Variants in DZIP1 observed in about 807,000 individuals in gnomAD.
The protein encoded by DZIP1 is cilium assembly protein DZIP1.
DZIP1 carries 97 observed loss-of-function variants against 107.6 expected under a neutral mutation model. The observed-to-expected ratio is 0.90, with a 90% CI of 0.77 to 1.07. DZIP1 has a LOEUF of 1.07. Among genes scored for constraint, DZIP1 ranks in the 50% least tolerant of loss-of-function variants. DZIP1 has a pLI of 0.00. For synonymous variants in DZIP1, 390 were observed against 386.4 expected (o/e 1.01, Z -0.11); for missense variants, 1,035 against 1,063.6 (o/e 0.97, Z 0.37).
intron 6 of DZIP1, chr13:95,630,617 G>T: frequency 1.1e-6 from 1 of 896,996 alleles, no homozygotes; most frequent in Non-Finnish European, 1.4e-6. Context: ...ATGCAAACTT[G>T]GGCCATAGTC....
In DZIP1 at chr13:95,590,348, GAA is replaced by G; in HGVS notation, c.1772_1773del (p.Phe591SerfsTer8). 1 of 1,613,842 alleles carries G rather than the reference GAA, an allele frequency of 6.2e-7. No homozygotes were observed. The highest frequency in any genetic ancestry group is 1.1e-5 in the South Asian group (1 of 91,048). On this transcript the variant is annotated frameshift_variant, in exon 17 of 23. Transcript: ENST00000376829. LOFTEE classifies it high-confidence loss of function. Reference protein sequence around the residue: ...RHKQEREIPNFHQIREFLEHQ... With the variant: ...RHKQEREIPNXHQIREFLEHQ... The stretch of plus-strand genomic sequence containing the variant: ...TGTTCAAGGAATTCTCGAATTTGAT[GAA>G]AGTTAGGTATTTCTCTTTCTTGCTT...
chr13:95,604,107 C>T (rs1429371291), intron 14 of DZIP1, among the ~76,000 whole-genome samples: 2 of 152,214 alleles, frequency 1.3e-5, no homozygotes, highest in African/African-American at 2.4e-5. Flanking sequence ...CTAGGTTCAA[C>T]GTTCCCTTCG....
At position 95,578,612 on chromosome 13, in the gene DZIP1, TCATGGCCATATCCACATGCC is replaced by T. The variant is rs1281781961; in HGVS notation, c.*3602_*3621del. 1 of 152,244 alleles carries T rather than the reference TCATGGCCATATCCACATGCC, an allele frequency of 6.6e-6. No individual in the cohort carries two copies. The highest frequency in any genetic ancestry group is 1.9e-4 in the East Asian group (1 of 5,208). 9.4% of individuals were successfully genotyped at this position (152,244 alleles called of 1,614,324 possible). On this transcript the variant is annotated 3_prime_UTR_variant, in exon 23 of 23. Coordinates refer to ENST00000376829, the MANE Select transcript of DZIP1 (RefSeq NM_198968.4). Reference sequence around the variant, plus strand: ...CAGGATCAGAGAGGATCTTGCTCATTCATGGCCATATCCACATGCCCATGGCCACTCAGTAGATTGTTGAA... The same window carrying T: ...CAGGATCAGAGAGGATCTTGCTCATTCATGGCCACTCAGTAGATTGTTGAA...
Position 95,612,074 on chromosome 13 carries a change from T to G in DZIP1, c.1277A>C (p.Gln426Pro). Residue 426 changes from glutamine (Q) to proline (P), a missense_variant, in exon 11 of 23, where the codon CAG (glutamine) becomes CCG (proline). Gln to Pro is a moderately conservative substitution (Grantham distance 76). Coordinates refer to ENST00000376829, the MANE Select transcript of DZIP1 (RefSeq NM_198968.4). ...KRIEELGQRL[Q>P]EQNELIITQR... ...AGTTATAATCAGCTCATTCTGCTCC[T>G]GGAGTCTCTGCCCTAGCTCTTCTAT... is the stretch of plus-strand genomic sequence containing the variant. 6.2e-7 allele frequency: 1 copy of G among 1,613,902 alleles called. No homozygotes were observed. Among genetic ancestry groups the G allele is most frequent in the Admixed American group, 1.7e-5 (1 of 60,024 alleles).
chr13:95,612,078 G>A lies in DZIP1; in HGVS notation c.1273C>T (p.Leu425Phe), dbSNP rs769769316. Residue 425 changes from leucine to phenylalanine, a missense_variant, in exon 11 of 23, where the codon CTC (leucine) becomes TTC (phenylalanine). Leu to Phe is a conservative substitution (Grantham distance 22). Coordinates refer to ENST00000376829, the MANE Select transcript of DZIP1 (RefSeq NM_198968.4). ...ATAATCAGCTCATTCTGCTCCTGGA[G>A]TCTCTGCCCTAGCTCTTCTATCCTT... ...KKRIEELGQR[L>F]QEQNELIITQ... 93 of 1,613,670 alleles carry A rather than the reference G, an allele frequency of 5.8e-5. No individual in the cohort carries two copies. Among genetic ancestry groups the A allele is most frequent in the Non-Finnish European group, 7.6e-5 (90 of 1,180,028 alleles).
intron 9 of DZIP1, 104 bp from the exon 10 acceptor site, chr13:95,620,051 T>C: frequency 3.2e-6 from 4 of 1,261,446 alleles, no homozygotes; most frequent in Non-Finnish European, 3.3e-6. Context: ...CAACTATCTA[T>C]CTGGTAAAAT....
chr13:95,609,572 G>A (rs1255154825), intron 12 of DZIP1, 59 bp from the exon 13 acceptor site: 12 of 1,353,882 alleles, frequency 8.9e-6, no homozygotes, highest in East Asian at 5.0e-5. Context: ...TTAAATTTTT[G>A]TAGCCCTTAT....
intron 5 of DZIP1, among the ~76,000 whole-genome samples, chr13:95,638,659 A>ACACG (rs1555316012): frequency 2.6e-5 from 4 of 151,638 alleles, no homozygotes; most frequent in Admixed American, 2.0e-4. Context: ...ACACACACAC[A>ACACG]CACGCACACC....
At chr13:95,633,966 A>G (rs1268863554) in intron 5 of DZIP1, among the ~76,000 whole-genome samples, 1 of 152,200 alleles carries the variant, frequency 6.6e-6, no homozygotes, top group East Asian at 1.9e-4. Flanking sequence ...AAACCAGGGC[A>G]TTCCTCCCAA....
In DZIP1 at chr13:95,633,340, C is replaced by A; in HGVS notation, c.598-19G>T. ...AATGGCACTGAAAAGGAGAGAGCAACAAATCCAAGTGTCTGTAACGACTGT... is the reference window on the plus strand; with the variant it reads ...AATGGCACTGAAAAGGAGAGAGCAAAAAATCCAAGTGTCTGTAACGACTGT... On this transcript the variant is annotated intron_variant, in intron 5 of 22. Transcript: ENST00000376829. 6.2e-7 allele frequency: 1 copy of A among 1,601,582 alleles called. No individual in the cohort carries two copies. Among genetic ancestry groups the A allele is most frequent in the Non-Finnish European group, 8.6e-7 (1 of 1,168,788 alleles).
chr13:95,588,640 T>C (rs11841046), intron 19 of DZIP1, among the ~76,000 whole-genome samples: 1 of 151,944 alleles, frequency 6.6e-6, no homozygotes, highest in Non-Finnish European at 1.5e-5. Flanking sequence ...ATACTACAGA[T>C]AAGAAAACAG....
rs931265865 is a variant in DZIP1, at chr13:95,578,893, G to A, written c.*3341C>T. On this transcript the variant is annotated 3_prime_UTR_variant, in exon 23 of 23. Coordinates refer to ENST00000376829, the MANE Select transcript of DZIP1 (RefSeq NM_198968.4). ...TAATGGGGCCAATATATTATTGCCT[G>A]TCATGTGGCACATCCATGTTAAGGG... 1 of 152,188 alleles carries A rather than the reference G, an allele frequency of 6.6e-6. No individual in the cohort carries two copies. Among genetic ancestry groups the A allele is most frequent in the Non-Finnish European group, 1.5e-5 (1 of 68,038 alleles). The allele number at this position is 152,188 out of a possible 1,614,324, so 9.4% of individuals were successfully genotyped here. A position where few individuals can be genotyped will look rare whatever the true frequency, so the allele number is the denominator to read the frequency against.
Position 95,586,091 on chromosome 13 carries a change from G to T in DZIP1, c.2264C>A (p.Pro755Gln). Residue 755 changes from proline to glutamine, a missense_variant, in exon 21 of 23, where the codon CCA becomes CAA. Physicochemically the swap from Pro to Gln is moderately conservative, Grantham distance 76 (BLOSUM62 -1). Transcript: ENST00000376829. Reference protein sequence around the residue: ...TPTEKVEKMFPHRKNVNKPVG... With the variant: ...TPTEKVEKMFQHRKNVNKPVG... The stretch of plus-strand genomic sequence containing the variant: ...TGGTTTGTTCACATTTTTGCGATGT[G>T]GAAACATCTTTTCAACTTTTTCAGT... The T allele has an allele frequency of 6.2e-7, 1 of 1,611,298 alleles. No individual in the cohort carries two copies. The highest frequency in any genetic ancestry group is 2.2e-5 in the East Asian group (1 of 44,628).
chr13:95,627,498 C>A (rs4773921), intron 7 of DZIP1, among the ~76,000 whole-genome samples: 120,808 of 152,160 alleles, frequency 0.79, 49,433 homozygotes, highest in Non-Finnish European at 0.9. Flanking sequence ...ATTTCTCCAA[C>A]TAAGATATAT....
chr13:95,633,370 C>A (rs1378601839), intron 5 of DZIP1, 49 bp from the exon 6 acceptor site: 1 of 1,515,598 alleles, frequency 6.6e-7, no homozygotes, highest in Admixed American at 1.7e-5. Context: ...GACTGTCGTC[C>A]CACTTAATTG....
At chr13:95,584,959 T>G (rs1301485231) in intron 21 of DZIP1, 49 bp from the exon 22 acceptor site, 1 of 1,519,922 alleles carries the variant, frequency 6.6e-7, no homozygotes, top group African/African-American at 1.4e-5. Context: ...AAAAAAATGG[T>G]GTCCCTCAAT....
chr13:95,591,022 C>CT (rs755824494), intron 16 of DZIP1, among the ~76,000 whole-genome samples: 1,919 of 127,444 alleles, frequency 0.015, 16 homozygotes, highest in Middle Eastern at 0.055. Flanking sequence ...GAGGTGACTT[C>CT]TTTTTTTTTT....
chr13:95,630,948 C>T (rs1877123154), intron 6 of DZIP1: 1 of 301,212 alleles, frequency 3.3e-6, no homozygotes, highest in Non-Finnish European at 6.5e-6. Flanking sequence ...AATATTTCAT[C>T]TTTCCAAAAT....
chr13:95,620,638 T>C (rs1305048350), intron 9 of DZIP1, among the ~76,000 whole-genome samples: 2 of 152,014 alleles, frequency 1.3e-5, no homozygotes, highest in African/African-American at 4.8e-5. Context: ...ACAACAGCCA[T>C]GGATAAGATG....
Sources: allele counts gnomAD v4.1 joint callset (sites outside exome capture counted in the v4.1 genomes callset), GRCh38; gene constraint gnomAD v4.1.1; transcripts MANE v1.5; gene names NCBI Gene and HGNC (gene_info 2026-07-23, HGNC 2026-07-21).